The following PMM2 variants were observed in gnomAD, a reference collection of about 807,000 sequenced individuals.
The protein encoded by PMM2 is phosphomannomutase 2.
PMM2 carries 35 observed loss-of-function variants against 33.2 expected under a neutral mutation model. The observed-to-expected ratio is 1.06, with a 90% CI of 0.81 to 1.40. The LOEUF (loss-of-function observed/expected upper bound fraction) is 1.40, where lower values mean the gene tolerates loss of function less well. Among genes scored for constraint, PMM2 ranks in the 40% most tolerant of loss-of-function variants. PMM2 has a pLI of 0.00. For missense variants in PMM2, 386 were observed against 306.0 expected (o/e 1.26, Z -1.95); for synonymous variants, 153 against 114.7 (o/e 1.33, Z -2.13).
At chr16:8,813,238 C>T in intron 7 of PMM2, 132 bp downstream of exon 7, 1 of 732,494 alleles carries the variant, frequency 1.4e-6, no homozygotes, top group Non-Finnish European at 2.5e-6. Context: ...TGGCTTCTGT[C>T]CTGGAGAGGT....
At chr16:8,814,799 C>T (rs1177541575) in intron 7 of PMM2, among the ~76,000 whole-genome samples, 2 of 152,038 alleles carry the variant, frequency 1.3e-5, no homozygotes, top group Admixed American at 6.6e-5. Flanking sequence ...GTTTTGGGGG[C>T]GGTTTGGGAT....
chr16:8,818,699 C>A (rs974069957), intron 7 of PMM2, among the ~76,000 whole-genome samples: 3 of 152,170 alleles, frequency 2.0e-5, no homozygotes, highest in African/African-American at 4.8e-5. Context: ...TGGAGCAACT[C>A]GAGAGCAGAG....
chr16:8,842,987 A>T lies in PMM2; in HGVS notation c.640-4737A>T, dbSNP rs1044412593. On this transcript the variant is annotated intron_variant, in intron 7 of 7. Transcript: ENST00000268261. ...ACGCAAAGGAGGCTTTGGGTTGGGG[A>T]GAAGGGCGGCAATGAGATGCGGCTG... Among the ~76,000 whole-genome samples, 8 of 152,188 alleles carry T rather than the reference A, an allele frequency of 5.3e-5. No individual in the cohort carries two copies. The East Asian group carries it at 1.5e-3, about 29-fold the overall frequency.
intron 7 of PMM2, among the ~76,000 whole-genome samples, chr16:8,844,496 C>T (rs1428366986): frequency 6.6e-6 from 1 of 151,930 alleles, no homozygotes; most frequent in African/African-American, 2.4e-5. Flanking sequence ...GGGTTCTTGC[C>T]CCTGCCCCAG....
chr16:8,805,439 T>C (rs1289775085), intron 3 of PMM2, among the ~76,000 whole-genome samples: 1 of 151,926 alleles, frequency 6.6e-6, no homozygotes, highest in African/African-American at 2.4e-5. Flanking sequence ...GCAATCCCAG[T>C]GGCCTAGAAC....
At chr16:8,823,201 A>G (rs147019016) in intron 7 of PMM2, among the ~76,000 whole-genome samples, 60 of 152,330 alleles carry the variant, frequency 3.9e-4, no homozygotes, top group African/African-American at 1.4e-3. Context: ...GGCAGTGGCA[A>G]TTTGACATGT....
At chr16:8,817,926 CAG>C (rs1339062949) in intron 7 of PMM2, among the ~76,000 whole-genome samples, 19 of 130,360 alleles carry the variant, frequency 1.5e-4, no homozygotes, top group African/African-American at 5.5e-4. Flanking sequence ...TTTTTTGAGA[CAG>C]AGTCTTGCTC....
chr16:8,829,405 C>A (rs2060797278), intron 7 of PMM2: 1 of 152,198 alleles, frequency 6.6e-6, no homozygotes, highest in South Asian at 2.1e-4. Context: ...CAAAGGAAAA[C>A]CATCCGTTTC....
intron 7 of PMM2, among the ~76,000 whole-genome samples, chr16:8,828,532 C>T (rs1320681501): frequency 2.0e-5 from 3 of 152,142 alleles, no homozygotes; most frequent in Non-Finnish European, 4.4e-5. Context: ...TGTCACATGT[C>T]CTCTCAGACC....
intron 7 of PMM2, among the ~76,000 whole-genome samples, chr16:8,827,382 TTTTTTA>T (rs1328685041): frequency 1.3e-5 from 2 of 151,358 alleles, no homozygotes; most frequent in South Asian, 2.1e-4. Context: ...TTTTTTTTAT[TTTTTTA>T]TTTTTATTTT....
In PMM2 at chr16:8,845,144, G is replaced by T. The variant is rs145783470; in HGVS notation, c.640-2580G>T. On this transcript the variant is annotated intron_variant, in intron 7 of 7. Transcript: ENST00000268261. Reference sequence around the variant, plus strand: ...GAAAAGAGAGTCGGCAAAGGGTGGTGGATTATCATTAGTTCTTATGGGTTT... The same window carrying T: ...GAAAAGAGAGTCGGCAAAGGGTGGTTGATTATCATTAGTTCTTATGGGTTT... Among the ~76,000 whole-genome samples the T allele has an allele frequency of 9.3e-3, 1,409 of 152,292 alleles. 36 individuals carry two copies. The highest frequency in any genetic ancestry group is 0.032 in the African/African-American group (1,338 of 41,554).
chr16:8,834,951 TAACA>T (rs1405427594), intron 7 of PMM2, among the ~76,000 whole-genome samples: 1 of 152,108 alleles, frequency 6.6e-6, no homozygotes, highest in Non-Finnish European at 1.5e-5. Context: ...TTGTGGGACT[TAACA>T]AAGAGTGAGT....
At chr16:8,844,704 C>G (rs181201939) in intron 7 of PMM2, among the ~76,000 whole-genome samples, 1 of 152,196 alleles carries the variant, frequency 6.6e-6, no homozygotes, top group South Asian at 2.1e-4. Flanking sequence ...CTTCCCAGTC[C>G]GTGACCGGCG....
chr16:8,842,341 G>A (rs1213884972), intron 7 of PMM2: 1 of 152,230 alleles, frequency 6.6e-6, no homozygotes, highest in Non-Finnish European at 1.5e-5. Flanking sequence ...ATTCAAAGGA[G>A]GGGCTACAAA....
In PMM2 at chr16:8,848,311, A is replaced by G. The variant is rs2060942514; in HGVS notation, c.*486A>G. 2 of 186,066 alleles carry G rather than the reference A, an allele frequency of 1.1e-5. No individual in the cohort carries two copies. Among genetic ancestry groups the G allele is most frequent in the South Asian group, 2.1e-4 (2 of 9,676 alleles). 11.5% of individuals were successfully genotyped at this position (186,066 alleles called of 1,614,324 possible). A position where few individuals can be genotyped will look rare whatever the true frequency, so the allele number is the denominator to read the frequency against. On this transcript the variant is annotated 3_prime_UTR_variant, in exon 8 of 8. Coordinates refer to ENST00000268261, the MANE Select transcript of PMM2 (RefSeq NM_000303.3). ...TGACCCAGCCCAGGACGAAGTTTAC[A>G]AACACCTCCTGGAACGAAGCTCCCG...
chr16:8,802,792 T>C (rs1167990195), intron 2 of PMM2, among the ~76,000 whole-genome samples: 1 of 151,080 alleles, frequency 6.6e-6, no homozygotes, highest in African/African-American at 2.4e-5. Context: ...ATCACACCAT[T>C]GCACTCCAGC....
intron 4 of PMM2, among the ~76,000 whole-genome samples, chr16:8,807,282 A>G (rs1027497048): frequency 6.6e-6 from 1 of 151,862 alleles, no homozygotes; most frequent in South Asian, 2.1e-4. Context: ...GCTGGTGTCA[A>G]AGGCGTGAGC....
intron 7 of PMM2, among the ~76,000 whole-genome samples, chr16:8,834,003 T>C (rs2060827768): frequency 6.6e-6 from 1 of 151,742 alleles, no homozygotes; most frequent in Non-Finnish European, 1.5e-5. Context: ...CGAATAGGAA[T>C]ATGACTAGAC....
In PMM2 at chr16:8,802,064, C is replaced by T. The variant is rs907480084; in HGVS notation, c.178+154C>T. On this transcript the variant is annotated intron_variant, in intron 2 of 7. Transcript: ENST00000268261. ...AACATTTTCTTGGCCTTTGCTTTTC[C>T]TCTGCTTTTAATCCAGTACATTTCT... The T allele has an allele frequency of 5.0e-5, 32 of 636,786 alleles. No homozygotes were observed. In the African/African-American group the frequency reaches 5.8e-4, roughly 11 times the overall value. The allele number at this position is 636,786 out of a possible 1,614,324, so 39.4% of individuals were successfully genotyped here.
Sources: gnomAD v4.1 joint callset for allele counts (sites outside exome capture counted in the v4.1 genomes callset) on GRCh38, gnomAD v4.1.1 for gene constraint, MANE v1.5 for transcripts, NCBI Gene and HGNC (gene_info 2026-07-23, HGNC 2026-07-21) for gene names.